The following PRKCH variants were observed in gnomAD, a reference collection of about 807,000 sequenced individuals.
PRKCH encodes protein kinase C eta.
A neutral mutation model predicts 82.5 loss-of-function variants in PRKCH; 28 were observed. The ratio of observed to expected loss-of-function variants is 0.34; its 90% confidence interval spans 0.25 to 0.47. The LOEUF is 0.47. Among genes scored for constraint, PRKCH ranks in the 20% least tolerant of loss-of-function variants. The pLI, the probability that PRKCH is intolerant of heterozygous loss-of-function variation, is 1.00. For synonymous variants in PRKCH, 322 were observed against 327.4 expected, an observed-to-expected ratio of 0.98 and a Z score of 0.18; for missense variants, 705 against 881.8, an observed-to-expected ratio of 0.80 and a Z score of 2.54.
At chr14:61,324,264 G>C (rs993086201) in intron 1 of PRKCH, among the ~76,000 whole-genome samples, 2 of 152,174 alleles carry the variant, frequency 1.3e-5, no homozygotes, top group Admixed American at 6.5e-5. Flanking sequence ...TGTTCCACTG[G>C]ATGAATATTC....
In PRKCH at chr14:61,449,233, T is replaced by C. The variant is rs1884370433; in HGVS notation, c.683T>C (p.Ile228Thr). ...ACAGCCTGTACTTGCCAAAACAATA[T>C]TAACAAAGTGGATTCAAAGGTAAGA... ...IVTACTCQNN[I>T]NKVDSKIAEQ... Residue 228 changes from isoleucine to threonine, a missense_variant, in exon 5 of 14, where the codon ATT (isoleucine) becomes ACT (threonine). Physicochemically the swap from Ile to Thr is moderately conservative, Grantham distance 89. This residue lies in a region of PRKCH where 246 missense variants were observed against 308.0 expected (regional missense o/e 0.80). Transcript: ENST00000332981. The C allele has an allele frequency of 6.2e-7, 1 of 1,613,518 alleles. No homozygotes were observed. The highest frequency in any genetic ancestry group is 8.5e-7 in the Non-Finnish European group (1 of 1,179,608).
intron 1 of PRKCH, among the ~76,000 whole-genome samples, chr14:61,272,505 CA>C (rs2045166612): frequency 6.6e-6 from 1 of 151,620 alleles, no homozygotes; most frequent in African/African-American, 2.4e-5. Context: ...AGGCACACGC[CA>C]CCACGGCCGG....
At chr14:61,537,068 T>C (rs2043119901) in intron 12 of PRKCH, among the ~76,000 whole-genome samples, 1 of 152,152 alleles carries the variant, frequency 6.6e-6, no homozygotes, top group Non-Finnish European at 1.5e-5. Context: ...CCCAAATCAT[T>C]AACCAGTAAT....
chr14:61,488,283 A>T (rs551918634), intron 10 of PRKCH, among the ~76,000 whole-genome samples: 2 of 152,324 alleles, frequency 1.3e-5, no homozygotes, highest in East Asian at 3.9e-4. Flanking sequence ...TAACTGTGCC[A>T]CTGTATTCCA....
intron 2 of PRKCH, among the ~76,000 whole-genome samples, chr14:61,418,433 A>G (rs934353858): frequency 6.6e-6 from 1 of 152,256 alleles, no homozygotes; most frequent in East Asian, 1.9e-4. Context: ...TGGAATCTCC[A>G]GGAAGAAGGC....
At chr14:61,286,064 G>A (rs987606916) in intron 1 of PRKCH, among the ~76,000 whole-genome samples, 5 of 152,208 alleles carry the variant, frequency 3.3e-5, no homozygotes, top group African/African-American at 1.2e-4. Context: ...TCACTTGTCT[G>A]GCTGTTCTCA....
chr14:61,530,970 A>G (rs576192071), intron 12 of PRKCH, among the ~76,000 whole-genome samples: 11 of 152,212 alleles, frequency 7.2e-5, no homozygotes, highest in South Asian at 6.2e-4. Flanking sequence ...TATTATATCA[A>G]TTGTGTTTCT....
chr14:61,243,732 G>A (rs761964970), intron 1 of PRKCH, among the ~76,000 whole-genome samples: 10 of 152,056 alleles, frequency 6.6e-5, no homozygotes, highest in Non-Finnish European at 1.2e-4. Flanking sequence ...AGGAGTTCTT[G>A]GATTTGGATT....
chr14:61,417,668 G>A (rs915892474), intron 2 of PRKCH, among the ~76,000 whole-genome samples: 2 of 152,048 alleles, frequency 1.3e-5, no homozygotes, highest in Non-Finnish European at 2.9e-5. Context: ...TAGATTTATG[G>A]TTCCTTATAA....
chr14:61,420,410 T>C, intron 2 of PRKCH, among the ~76,000 whole-genome samples: 1 of 152,130 alleles, frequency 6.6e-6, no homozygotes, highest in South Asian at 2.1e-4. Flanking sequence ...GGCATCAGTA[T>C]AAACAAGAAC....
intron 1 of PRKCH, among the ~76,000 whole-genome samples, chr14:61,217,982 T>C (rs2044626975): frequency 6.6e-6 from 1 of 152,202 alleles, no homozygotes; most frequent in South Asian, 2.1e-4. Flanking sequence ...TTCTGTTTAT[T>C]TCTCTGGCAG....
At chr14:61,492,309 A>G (rs961125341) in intron 10 of PRKCH, 1 of 152,254 alleles carries the variant, frequency 6.6e-6, no homozygotes, top group African/African-American at 2.4e-5. Context: ...CCATCTATTC[A>G]CAGTGAGTTC....
intron 1 of PRKCH, among the ~76,000 whole-genome samples, chr14:61,338,455 A>G (rs996723223): frequency 5.9e-5 from 9 of 152,200 alleles, no homozygotes; most frequent in African/African-American, 1.9e-4. Context: ...GATTACTTAA[A>G]TAAGTATTAA....
At chr14:61,419,987 C>A (rs1882751066) in intron 2 of PRKCH, among the ~76,000 whole-genome samples, 1 of 152,184 alleles carries the variant, frequency 6.6e-6, no homozygotes, top group African/African-American at 2.4e-5. Context: ...TAGAGTCACC[C>A]TCACTGCACA....
chr14:61,349,813 A>T (rs558752679), intron 1 of PRKCH, among the ~76,000 whole-genome samples: 1 of 152,158 alleles, frequency 6.6e-6, no homozygotes, highest in Non-Finnish European at 1.5e-5. Flanking sequence ...GTAAGCTGAG[A>T]TCATGCCACT....
chr14:61,394,540 C>T (rs369623555), intron 2 of PRKCH, among the ~76,000 whole-genome samples: 4 of 152,024 alleles, frequency 2.6e-5, no homozygotes, highest in African/African-American at 9.6e-5. Flanking sequence ...GCTGAATCAA[C>T]TCTCTGCATT....
chr14:61,201,865 A>AG (rs2044484455), intron 1 of PRKCH, among the ~76,000 whole-genome samples: 1 of 147,232 alleles, frequency 6.8e-6, no homozygotes, highest in South Asian at 2.1e-4. Context: ...GACTACCAGG[A>AG]AAAAAAAACT....
At chr14:61,247,891 A>C (rs2044902153) in intron 1 of PRKCH, among the ~76,000 whole-genome samples, 1 of 152,168 alleles carries the variant, frequency 6.6e-6, no homozygotes. Context: ...ATCATCTGGA[A>C]ATACTGGCAT....
chr14:61,362,777 G>C (rs906363079), intron 1 of PRKCH, among the ~76,000 whole-genome samples: 1 of 152,210 alleles, frequency 6.6e-6, no homozygotes, highest in Non-Finnish European at 1.5e-5. Flanking sequence ...TGCATCTGAG[G>C]CTGGGTTAAT....
Sources: gnomAD v4.1 joint callset for allele counts (sites outside exome capture counted in the v4.1 genomes callset) on GRCh38, gnomAD v4.1.1 for gene constraint, gnomAD v4.1.1 regional missense constraint, MANE v1.5 for transcripts, NCBI Gene and HGNC (gene_info 2026-07-23, HGNC 2026-07-21) for gene names.